The following ITGA1 variants were observed in gnomAD, a reference collection of about 807,000 sequenced individuals.
The protein encoded by ITGA1 is integrin alpha-1.
In ITGA1, 85 loss-of-function variants were observed where a neutral mutation model predicts 145.9. That is an observed-to-expected ratio of 0.58 (90% CI 0.49 to 0.70). The LOEUF (loss-of-function observed/expected upper bound fraction) is 0.70. Ranked by LOEUF, ITGA1 falls within the 30% of genes least tolerant of loss-of-function variation. ITGA1 has a pLI of 0.00. For missense variants in ITGA1, 1,351 were observed against 1,418.7 expected (o/e 0.95, Z 0.77); for synonymous variants, 520 against 495.3 (o/e 1.05, Z -0.66).
chr5:52,865,616 C>T (rs1360636354), intron 5 of ITGA1, 74 bp from the exon 6 acceptor site: 24 of 1,206,104 alleles, frequency 2.0e-5, no homozygotes, highest in Non-Finnish European at 2.3e-5. Flanking sequence ...GAACTTCTTT[C>T]AGCCATGAAA....
intron 1 of ITGA1, among the ~76,000 whole-genome samples, chr5:52,838,313 C>T (rs764383345): frequency 2.0e-5 from 3 of 152,100 alleles, no homozygotes; most frequent in Non-Finnish European, 4.4e-5. Flanking sequence ...ATAGGAAAAT[C>T]AACAATGGCA....
intron 14 of ITGA1, among the ~76,000 whole-genome samples, chr5:52,910,969 A>AT (rs1750504585): frequency 1.5e-5 from 2 of 131,132 alleles, no homozygotes; most frequent in Non-Finnish European, 3.1e-5. Context: ...CACTATATAT[A>AT]CTATATATAG....
At chr5:52,941,337 T>C (rs1751051253) in intron 26 of ITGA1, among the ~76,000 whole-genome samples, 1 of 152,252 alleles carries the variant, frequency 6.6e-6, no homozygotes, top group African/African-American at 2.4e-5. Context: ...TTAAGTTGTT[T>C]GAGAAATCTC....
intron 1 of ITGA1, chr5:52,800,993 ATGT>A: frequency 6.2e-7 from 1 of 1,614,150 alleles, no homozygotes; most frequent in Non-Finnish European, 8.5e-7. Flanking sequence ...ATACACTTTG[ATGT>A]TGTAAAGTGC....
intron 6 of ITGA1, among the ~76,000 whole-genome samples, chr5:52,880,786 C>T (rs924572950): frequency 1.3e-5 from 2 of 152,150 alleles, no homozygotes; most frequent in African/African-American, 4.8e-5. Context: ...TTCCTTTGGG[C>T]AAATAATTTT....
At chr5:52,888,098 G>A in intron 8 of ITGA1, 133 bp downstream of exon 8, 1 of 869,396 alleles carries the variant, frequency 1.2e-6, no homozygotes. Context: ...GTAAGCCCTG[G>A]GAGGACAGAC....
intron 16 of ITGA1, among the ~76,000 whole-genome samples, chr5:52,919,631 T>C (rs1302759090): frequency 6.6e-6 from 1 of 152,196 alleles, no homozygotes; most frequent in Non-Finnish European, 1.5e-5. Context: ...TGTGCATGTA[T>C]ATGCTCTGAA....
intron 21 of ITGA1, among the ~76,000 whole-genome samples, chr5:52,929,956 A>C (rs1278360799): frequency 2.0e-5 from 3 of 152,222 alleles, no homozygotes; most frequent in Non-Finnish European, 4.4e-5. Context: ...AAGATACCAT[A>C]ATCACACATC....
intron 9 of ITGA1, among the ~76,000 whole-genome samples, chr5:52,895,354 T>A (rs1268621570): frequency 6.6e-6 from 1 of 152,162 alleles, no homozygotes. Flanking sequence ...AAGTCATTTT[T>A]AAGTGGCTTT....
At chr5:52,800,431 G>A (rs1461795538) in intron 1 of ITGA1, 1 of 1,613,956 alleles carries the variant, frequency 6.2e-7, no homozygotes, top group African/African-American at 1.3e-5. Flanking sequence ...GAAGGACAAT[G>A]CGGGCCAGGT....
intron 6 of ITGA1, among the ~76,000 whole-genome samples, chr5:52,872,350 A>T (rs1749789669): frequency 6.6e-6 from 1 of 152,018 alleles, no homozygotes; most frequent in Non-Finnish European, 1.5e-5. Context: ...CTCTCTCACT[A>T]GCCTCTAGTC....
intron 10 of ITGA1, among the ~76,000 whole-genome samples, 189 bp from the exon 11 acceptor site, chr5:52,898,050 T>A (rs1223636079): frequency 1.3e-5 from 2 of 152,190 alleles, no homozygotes; most frequent in Non-Finnish European, 2.9e-5. Context: ...ATTTGTGCCT[T>A]GATTTCCTTT....
intron 1 of ITGA1, among the ~76,000 whole-genome samples, chr5:52,798,873 T>A (rs761328072): frequency 1.3e-5 from 2 of 151,986 alleles, no homozygotes; most frequent in Non-Finnish European, 2.9e-5. Flanking sequence ...ATGAGCGAGG[T>A]GTGTAGCTTT....
intron 1 of ITGA1, among the ~76,000 whole-genome samples, chr5:52,821,518 GT>G (rs1748878966): frequency 6.6e-6 from 1 of 152,108 alleles, no homozygotes; most frequent in Non-Finnish European, 1.5e-5. Flanking sequence ...CTATAATTCA[GT>G]TTTCCCTAGC....
intron 6 of ITGA1, among the ~76,000 whole-genome samples, chr5:52,868,161 T>A (rs755058949): frequency 6.6e-6 from 1 of 152,198 alleles, no homozygotes; most frequent in African/African-American, 2.4e-5. Context: ...GCTAATAACA[T>A]GCTTGAAATA....
intron 2 of ITGA1, among the ~76,000 whole-genome samples, chr5:52,860,916 C>A (rs951074925): frequency 6.6e-6 from 1 of 152,190 alleles, no homozygotes; most frequent in Non-Finnish European, 1.5e-5. Context: ...CACTTATAAA[C>A]TAGCACATGC....
intron 14 of ITGA1, among the ~76,000 whole-genome samples, chr5:52,911,824 A>C (rs1244686153): frequency 7.3e-5 from 10 of 137,772 alleles, no homozygotes; most frequent in Non-Finnish European, 1.4e-4. Flanking sequence ...TGTATCTACT[A>C]TATATACTAT....
In ITGA1 at chr5:52,937,060, AAAG is replaced by A. The variant is rs1464222405; in HGVS notation, c.2965-338_2965-336del. Reference sequence around the variant, plus strand: ...AAGACTGGTATGTTAAAAAAAAAAAAAAGAAAGAAAAAGAAAAGAATGAGCATG... The same window carrying A: ...AAGACTGGTATGTTAAAAAAAAAAAAAAAGAAAAAGAAAAGAATGAGCATG... On this transcript the variant is annotated intron_variant, in intron 23 of 28. Transcript: ENST00000282588. 9.6e-3 allele frequency among the ~76,000 whole-genome samples: 1,205 copies of A among 125,310 alleles called. 12 individuals are homozygous for A. Among genetic ancestry groups the A allele is most frequent in the African/African-American group, 0.031 (1,099 of 35,178 alleles). The allele number at this position is 125,310 out of a possible 152,430, so 82.2% of individuals were successfully genotyped here.
chr5:52,846,187 G>A, intron 1 of ITGA1, among the ~76,000 whole-genome samples: 1 of 152,092 alleles, frequency 6.6e-6, no homozygotes, highest in East Asian at 1.9e-4. Flanking sequence ...GATCATTTAA[G>A]GCCAGCAGTT....
Sources: allele counts gnomAD v4.1 joint callset (sites outside exome capture counted in the v4.1 genomes callset), GRCh38; gene constraint gnomAD v4.1.1; transcripts MANE v1.5; gene names NCBI Gene and HGNC (gene_info 2026-07-23, HGNC 2026-07-21).